Variants in SLC5A2 observed in about 807,000 individuals in gnomAD.
SLC5A2 encodes the protein sodium/glucose cotransporter 2.
In SLC5A2, 67 loss-of-function variants were observed where a neutral mutation model predicts 69.0. The ratio of observed to expected loss-of-function variants is 0.97; its 90% CI spans 0.80 to 1.19. SLC5A2 has a LOEUF of 1.19. SLC5A2 is among the 50% of genes most tolerant of loss of function. The pLI is 0.00. For synonymous variants in SLC5A2, 455 were observed against 395.8 expected, an observed-to-expected ratio of 1.15 and a Z score of -1.78; for missense variants, 1,001 against 921.5, an observed-to-expected ratio of 1.09 and a Z score of -1.12.
In SLC5A2 at chr16:31,485,771, G is replaced by A. The variant is rs146835104; in HGVS notation, c.346G>A (p.Val116Met). The change falls in exon 4 of 14, where the codon GTG (valine) becomes ATG (methionine). Residue 116 changes from valine to methionine, a missense_variant. Val to Met is a conservative substitution (Grantham distance 21). Coordinates refer to ENST00000330498, the MANE Select transcript of SLC5A2 (RefSeq NM_003041.4). ...GCTACTGGGCTGGCTGTTTGCACCC[G>A]TGTACCTGACAGCGGGGGTCATCAC... ...VLLLGWLFAP[V>M]YLTAGVITMP... 1.6e-5 allele frequency: 26 copies of A among 1,613,568 alleles called. No individual in the cohort carries two copies. The highest frequency in any genetic ancestry group is 4.5e-5 in the East Asian group (2 of 44,890).
chr16:31,485,782 A>G lies in SLC5A2; in HGVS notation c.357A>G (p.Thr119=). The change falls in exon 4 of 14, where the codon ACA becomes ACG. Residue 119 remains threonine, a synonymous_variant. Coordinates refer to ENST00000330498, the MANE Select transcript of SLC5A2 (RefSeq NM_003041.4). ...GGCTGTTTGCACCCGTGTACCTGAC[A>G]GCGGGGGTCATCACGATGCCACAGT... ...LGWLFAPVYL[T]AGVITMPQYL... 6.2e-7 allele frequency: 1 copy of G among 1,613,748 alleles called. No homozygotes were observed. Among genetic ancestry groups the G allele is most frequent in the Non-Finnish European group, 8.5e-7 (1 of 1,180,008 alleles).
At chr16:31,488,536 G>A (rs1567390342) in intron 9 of SLC5A2, 46 bp downstream of exon 9, 2 of 1,600,798 alleles carry the variant, frequency 1.2e-6, no homozygotes, top group Non-Finnish European at 1.7e-6. Flanking sequence ...TGCGGAGCCC[G>A]CTGCTGGGAG....
chr16:31,490,036 C>A (rs528819794), intron 12 of SLC5A2, 68 bp from the exon 13 acceptor site: 151 of 1,605,414 alleles, frequency 9.4e-5, no homozygotes, highest in Admixed American at 2.0e-4. Flanking sequence ...AGCTGGTGTG[C>A]AAGAGACTTT....
Position 31,489,319 on chromosome 16 carries a change from C to T in SLC5A2, c.1646C>T (p.Ala549Val), listed in dbSNP as rs375773920. Residue 549 changes from alanine to valine, a missense_variant, in exon 12 of 14, where the codon GCG (alanine) becomes GTG (valine). Transcript: ENST00000330498. ...ACCCTCACGGTCTCCCTGTGCACCGCGCCCATCCCCAGAAAGCACGTGAGT... is the reference window on the plus strand; with the variant it reads ...ACCCTCACGGTCTCCCTGTGCACCGTGCCCATCCCCAGAAAGCACGTGAGT... Reference protein sequence around the residue: ...LLTLTVSLCTAPIPRKHLHRL... With the variant: ...LLTLTVSLCTVPIPRKHLHRL... 135 of 1,608,934 alleles carry T rather than the reference C, an allele frequency of 8.4e-5. No homozygotes were observed. Among genetic ancestry groups the T allele is most frequent in the Non-Finnish European group, 1.0e-4 (120 of 1,179,996 alleles).
Position 31,484,745 on chromosome 16 carries a change from G to T in SLC5A2, c.198+1G>T. ...AGGACGCAGCATGGTGTGGTGGCCGGTGAGACGGGCTGGGCCGGGAACGGG... is the reference window on the plus strand; with the variant it reads ...AGGACGCAGCATGGTGTGGTGGCCGTTGAGACGGGCTGGGCCGGGAACGGG... On this transcript the variant is annotated splice_donor_variant, in intron 2 of 13. Transcript: ENST00000330498. LOFTEE classifies it high-confidence loss of function. 6.2e-7 allele frequency: 1 copy of T among 1,610,632 alleles called. No individual in the cohort carries two copies. The highest frequency in any genetic ancestry group is 1.1e-5 in the South Asian group (1 of 91,086).
chr16:31,485,175 C>A, intron 3 of SLC5A2: 1 of 602,584 alleles, frequency 1.7e-6, no homozygotes, highest in South Asian at 1.9e-5. Flanking sequence ...TGGGAGCTTC[C>A]ATTTATTCCT....
intron 7 of SLC5A2, 122 bp from the exon 8 acceptor site, chr16:31,487,916 C>T: frequency 6.7e-7 from 1 of 1,485,678 alleles, no homozygotes; most frequent in Non-Finnish European, 9.2e-7. Context: ...GCTCCATCTA[C>T]TCCAAGCGTG....
chr16:31,484,256 A>ACGCG (rs1170479542), intron 1 of SLC5A2, among the ~76,000 whole-genome samples: 178 of 145,724 alleles, frequency 1.2e-3, no homozygotes, highest in African/African-American at 4.5e-3. Flanking sequence ...ACACACACAC[A>ACGCG]CGCACACACA....
chr16:31,484,961 G>A (rs1057474619), intron 3 of SLC5A2, 38 bp downstream of exon 3: 2 of 1,559,472 alleles, frequency 1.3e-6, no homozygotes, highest in Non-Finnish European at 1.8e-6. Context: ...CACCCTCAGT[G>A]AGAACACCTG....
rs1202125232 is a variant in SLC5A2, at chr16:31,487,571, T to C, written c.697T>C (p.Tyr233His). ...VGGYSGLFDK[Y>H]LGAATSLTVS... ...CGGGTATTCGGGTCTCTTCGACAAATACCTGGGAGCAGCGACTTCGCTGAC... is the reference window on the plus strand; with the variant it reads ...CGGGTATTCGGGTCTCTTCGACAAACACCTGGGAGCAGCGACTTCGCTGAC... The change falls in exon 7 of 14, where the codon TAC (tyrosine) becomes CAC (histidine). Residue 233 changes from tyrosine (Y) to histidine (H), a missense_variant. By Grantham distance (83) the Tyr-to-His change is moderately conservative (BLOSUM62 2). Transcript: ENST00000330498. 3.7e-6 allele frequency: 6 copies of C among 1,613,758 alleles called. No individual in the cohort carries two copies. The highest frequency in any genetic ancestry group is 5.1e-6 in the Non-Finnish European group (6 of 1,179,990).
rs772382760 is a variant in SLC5A2, at chr16:31,488,676, C to A, written c.1184C>A (p.Ala395Asp). 17 of 1,612,660 alleles carry A rather than the reference C, an allele frequency of 1.1e-5. No individual in the cohort carries two copies. Among genetic ancestry groups the A allele is most frequent in the Non-Finnish European group, 1.4e-5 (17 of 1,179,584 alleles). ...CTGGCCGCGCTCATGTCCTCGCTGG[C>A]CTCCATCTTCAACAGCAGCAGCACG... is the stretch of plus-strand genomic sequence containing the variant. ...VMLAALMSSL[A>D]SIFNSSSTLF... Residue 395 changes from alanine (A) to aspartate (D), a missense_variant, in exon 10 of 14, where the codon GCC becomes GAC. By Grantham distance (126) the Ala-to-Asp change is moderately radical (BLOSUM62 -2). Coordinates refer to ENST00000330498, the MANE Select transcript of SLC5A2 (RefSeq NM_003041.4).
intron 12 of SLC5A2, 60 bp downstream of exon 12, chr16:31,489,398 TG>T: frequency 4.7e-6 from 7 of 1,488,206 alleles, no homozygotes; most frequent in Non-Finnish European, 6.4e-6. Flanking sequence ...CTCTGCTTCC[TG>T]GAGTGCCCAG....
Position 31,486,886 on chromosome 16 carries a change from G to T in SLC5A2, c.575-434G>T, listed in dbSNP as rs530322429. 3.3e-5 allele frequency among the ~76,000 whole-genome samples: 5 copies of T among 152,186 alleles called. No homozygotes were observed. In the South Asian group the frequency reaches 6.2e-4, roughly 19 times the overall value. On this transcript the variant is annotated intron_variant, in intron 5 of 13. Coordinates refer to ENST00000330498, the MANE Select transcript of SLC5A2 (RefSeq NM_003041.4). ...ATGGTGAAACCCCGTCTCTACTAAA[G>T]ATACAAAAAATTAGCTGGACGTGGT...
chr16:31,488,098 C>G lies in SLC5A2; in HGVS notation c.946C>G (p.Leu316Val). The G allele has an allele frequency of 1.9e-6, 3 of 1,614,062 alleles. No individual in the cohort carries two copies. The highest frequency in any genetic ancestry group is 2.5e-6 in the Non-Finnish European group (3 of 1,179,964). The change falls in exon 8 of 14, where the codon CTG (leucine) becomes GTG (valine). Residue 316 changes from leucine to valine, a missense_variant. Leu to Val is a conservative substitution (Grantham distance 32). Coordinates refer to ENST00000330498, the MANE Select transcript of SLC5A2 (RefSeq NM_003041.4). ...GACCCACATCAAGGCGGGCTGCATC[C>G]TGTGTGGGTACCTGAAGCTGACGCC... Reference protein sequence around the residue: ...SLTHIKAGCILCGYLKLTPMF... With the variant: ...SLTHIKAGCIVCGYLKLTPMF...
Position 31,485,865 on chromosome 16 carries a change from T to A in SLC5A2, c.440T>A (p.Leu147His), listed in dbSNP as rs747060567. Residue 147 changes from leucine (L) to histidine (H), a missense_variant, in exon 4 of 14, where the codon CTT (leucine) becomes CAT (histidine). By Grantham distance (99) the Leu-to-His change is moderately conservative. Transcript: ENST00000330498. Reference sequence around the variant, plus strand: ...CGCCTCTACCTGTCTGTGCTCTCCCTTTTCCTGTACATCTTCACCAAGATC... The same window carrying A: ...CGCCTCTACCTGTCTGTGCTCTCCCATTTCCTGTACATCTTCACCAAGATC... ...RIRLYLSVLS[L>H]FLYIFTKISV... is the part of the protein sequence containing the mutation. 4.2e-5 allele frequency: 67 copies of A among 1,613,232 alleles called. No individual in the cohort carries two copies. The highest frequency in any genetic ancestry group is 5.3e-5 in the Non-Finnish European group (63 of 1,180,000).
chr16:31,488,276 C>A, intron 8 of SLC5A2, 103 bp downstream of exon 8: 8 of 1,599,510 alleles, frequency 5.0e-6, no homozygotes, highest in Non-Finnish European at 6.8e-6. Flanking sequence ...GGAGTCCCGC[C>A]TCCCTCCGGG....
chr16:31,488,468 C>A lies in SLC5A2; in HGVS notation c.1107C>A (p.Leu369=). The change falls in exon 9 of 14, where the codon CTC becomes CTA. Residue 369 remains leucine (L), a synonymous_variant. Coordinates refer to ENST00000330498, the MANE Select transcript of SLC5A2 (RefSeq NM_003041.4). ...GCTCCAACATCGCCTACCCGCGGCTCGTCGTGAAGCTCATGCCCAACGGTA... is the reference window on the plus strand; with the variant it reads ...GCTCCAACATCGCCTACCCGCGGCTAGTCGTGAAGCTCATGCCCAACGGTA... ...VGCSNIAYPR[L]VVKLMPNGLR... is the part of the protein sequence containing the mutation. The A allele has an allele frequency of 6.2e-7, 1 of 1,609,802 alleles. No homozygotes were observed. Among genetic ancestry groups the A allele is most frequent in the Non-Finnish European group, 8.5e-7 (1 of 1,179,130 alleles).
At chr16:31,490,283 A>G (rs1192301956) in intron 13 of SLC5A2, 26 bp from the exon 14 acceptor site, 2 of 1,613,556 alleles carry the variant, frequency 1.2e-6, no homozygotes, top group African/African-American at 2.7e-5. Flanking sequence ...CCCGCAAACT[A>G]ACTGCAGGGC....
At position 31,490,578 on chromosome 16, in the gene SLC5A2, G is replaced by T. The variant is rs778150076; in HGVS notation, c.*43G>T. On this transcript the variant is annotated 3_prime_UTR_variant, in exon 14 of 14. Transcript: ENST00000330498. ...ACCATAAGCCACAGCCTCACAGGAAGTGGGGGTGAGGAGCCTGCGGTGCTC... is the reference window on the plus strand; with the variant it reads ...ACCATAAGCCACAGCCTCACAGGAATTGGGGGTGAGGAGCCTGCGGTGCTC... 3 of 1,514,746 alleles carry T rather than the reference G, an allele frequency of 2.0e-6. No individual in the cohort carries two copies. The South Asian group carries it at 3.5e-5, about 18-fold the overall frequency. The allele number at this position is 1,514,746 out of a possible 1,614,324, so 93.8% of individuals were successfully genotyped here.
Sources: gnomAD v4.1 joint callset for allele counts (sites outside exome capture counted in the v4.1 genomes callset) on GRCh38, gnomAD v4.1.1 for gene constraint, MANE v1.5 for transcripts, NCBI Gene and HGNC (gene_info 2026-07-23, HGNC 2026-07-21) for gene names.